The following DPY19L1 variants were observed in gnomAD, a reference collection of about 807,000 sequenced individuals.
DPY19L1 encodes the protein protein C-mannosyl-transferase DPY19L1.
In DPY19L1, 35 loss-of-function variants were observed where a neutral mutation model predicts 96.9. The observed-to-expected ratio is 0.36, with a 90% CI of 0.28 to 0.48. The LOEUF is 0.48. Among genes scored for constraint, DPY19L1 ranks in the 20% least tolerant of loss-of-function variants. The pLI, the probability that DPY19L1 is intolerant of heterozygous loss-of-function variation, is 0.99. For missense variants in DPY19L1, 521 were observed against 777.9 expected, an observed-to-expected ratio of 0.67 and a Z score of 3.93; for synonymous variants, 205 against 252.6, an observed-to-expected ratio of 0.81 and a Z score of 1.79.
chr7:35,028,102 T>C (rs1786170643), intron 1 of DPY19L1, among the ~76,000 whole-genome samples: 1 of 152,142 alleles, frequency 6.6e-6, no homozygotes, highest in Admixed American at 6.5e-5. Flanking sequence ...TAAGCAAAAA[T>C]GATCTAGGGG....
rs904370015 is a variant in DPY19L1, at chr7:34,940,219, C to T, written c.1798G>A (p.Val600Ile). 1.2e-6 allele frequency: 2 copies of T among 1,610,534 alleles called. No homozygotes were observed. The highest frequency in any genetic ancestry group is 2.7e-5 in the African/African-American group (2 of 74,708). The change falls in exon 19 of 22, where the codon GTA becomes ATA. Residue 600 changes from valine (V) to isoleucine (I), a missense_variant. Physicochemically the swap from Val to Ile is conservative, Grantham distance 29. Coordinates refer to ENST00000638088, the MANE Select transcript of DPY19L1 (RefSeq NM_001366673.1). ...TGGGGCAAATTGCTGAACTCCCCTA[C>T]AATATTCCACTGGGTTTGCAGATTT... ...SANLQTQWNI[V>I]GEFSNLPQEE...
intron 1 of DPY19L1, among the ~76,000 whole-genome samples, chr7:35,034,256 A>G (rs1786332658): frequency 1.3e-5 from 2 of 152,188 alleles, no homozygotes; most frequent in African/African-American, 4.8e-5. Flanking sequence ...TTTTACTACC[A>G]CAATTGTTTC....
At chr7:34,982,552 A>T (rs1456270474) in intron 7 of DPY19L1, among the ~76,000 whole-genome samples, 1 of 152,266 alleles carries the variant, frequency 6.6e-6, no homozygotes, top group African/African-American at 2.4e-5. Flanking sequence ...CCTTTTTAGT[A>T]CAAGATTTAC....
intron 8 of DPY19L1, among the ~76,000 whole-genome samples, chr7:34,971,696 A>G (rs937889881): frequency 6.6e-6 from 1 of 152,216 alleles, no homozygotes; most frequent in Admixed American, 6.5e-5. Context: ...AAAGACAATG[A>G]TAAGAGACTA....
Position 34,941,515 on chromosome 7 carries a change from C to A in DPY19L1, c.1689+250G>T, listed in dbSNP as rs139694984. ...AATTAAGCTCTGCTTTCTATCAGCA[C>A]CTGCAGTAATCACTCATGAACTCAG... On this transcript the variant is annotated intron_variant, in intron 18 of 21. Transcript: ENST00000638088. Among the ~76,000 whole-genome samples the A allele has an allele frequency of 6.0e-3, 914 of 152,294 alleles. 10 individuals are homozygous for A. The highest frequency in any genetic ancestry group is 0.02 in the African/African-American group (835 of 41,564).
chr7:34,963,001 C>T (rs144856182), intron 10 of DPY19L1, among the ~76,000 whole-genome samples: 2,159 of 152,076 alleles, frequency 0.014, 31 homozygotes, highest in Non-Finnish European at 0.02. Flanking sequence ...TCAAGACCAG[C>T]CTGGCCAACA....
At chr7:35,018,626 T>C in intron 1 of DPY19L1, 30 bp from the exon 2 acceptor site, 1 of 1,591,034 alleles carries the variant, frequency 6.3e-7, no homozygotes, top group Non-Finnish European at 8.6e-7. Context: ...TAAATTAGAA[T>C]TTTAGCATAA....
chr7:35,016,451 G>T (rs1243066831), intron 3 of DPY19L1, among the ~76,000 whole-genome samples: 7 of 152,196 alleles, frequency 4.6e-5, no homozygotes, highest in Non-Finnish European at 1.0e-4. Context: ...GCATCTTTCT[G>T]ACTTTCCTCT....
At chr7:34,975,533 G>A (rs1014392497) in intron 7 of DPY19L1, among the ~76,000 whole-genome samples, 1 of 152,210 alleles carries the variant, frequency 6.6e-6, no homozygotes, top group Non-Finnish European at 1.5e-5. Flanking sequence ...CAATGCTGAT[G>A]TAGACGCTGC....
At chr7:34,973,119 A>C (rs928888879) in intron 8 of DPY19L1, among the ~76,000 whole-genome samples, 5 of 152,208 alleles carry the variant, frequency 3.3e-5, no homozygotes, top group African/African-American at 1.2e-4. Context: ...AAGGGAGAGA[A>C]GTGTGAATTC....
At chr7:35,013,890 A>G (rs1486448744) in intron 3 of DPY19L1, among the ~76,000 whole-genome samples, 185 bp from the exon 4 acceptor site, 1 of 152,220 alleles carries the variant, frequency 6.6e-6, no homozygotes, top group Non-Finnish European at 1.5e-5. Flanking sequence ...TTTCACATAA[A>G]TGCATCTTAA....
intron 18 of DPY19L1, among the ~76,000 whole-genome samples, chr7:34,941,262 G>A (rs551156323): frequency 6.6e-6 from 1 of 152,132 alleles, no homozygotes; most frequent in Admixed American, 6.5e-5. Flanking sequence ...TGTGAATACA[G>A]AACAAGGAGG....
chr7:34,995,322 TAAA>T (rs34599171), intron 6 of DPY19L1, among the ~76,000 whole-genome samples: 3 of 147,844 alleles, frequency 2.0e-5, no homozygotes, highest in Non-Finnish European at 3.0e-5. Flanking sequence ...CCCTAGTGGT[TAAA>T]AAAAAAAAGT....
intron 21 of DPY19L1, among the ~76,000 whole-genome samples, chr7:34,932,433 A>C (rs1016810134): frequency 2.0e-5 from 3 of 152,240 alleles, no homozygotes; most frequent in African/African-American, 7.2e-5. Flanking sequence ...TATCTCATGT[A>C]ATTTATTGAA....
chr7:34,939,157 C>T (rs1235615166), intron 20 of DPY19L1, 119 bp downstream of exon 20: 1 of 841,048 alleles, frequency 1.2e-6, no homozygotes, highest in Middle Eastern at 3.8e-4. Context: ...CTCCCTGACT[C>T]GATAAGCCTC....
intron 21 of DPY19L1, among the ~76,000 whole-genome samples, chr7:34,936,635 T>G (rs1367723369): frequency 2.6e-5 from 4 of 152,228 alleles, no homozygotes; most frequent in African/African-American, 7.2e-5. Flanking sequence ...ATAACAATGT[T>G]AAAGGTGAGT....
chr7:34,957,603 A>AAAAAC lies in DPY19L1; in HGVS notation c.1179+376_1179+380dup, dbSNP rs1209342639. On this transcript the variant is annotated intron_variant, in intron 11 of 21. Transcript: ENST00000638088. ...GACAAGGGGCAAAAAACAAAACAAG[A>AAAAAC]AAAACAAAACAAAACAAAAAACAGA... is the stretch of plus-strand genomic sequence containing the variant. Among the ~76,000 whole-genome samples, 5 of 83,042 alleles carry AAAAAC rather than the reference A, an allele frequency of 6.0e-5. No homozygotes were observed. In the East Asian group the frequency reaches 1.1e-3, roughly 18 times the overall value. 54.5% of individuals were successfully genotyped at this position (83,042 alleles called of 152,430 possible).
chr7:35,038,039 G>A, upstream of DPY19L1: 1 of 614,464 alleles, frequency 1.6e-6, no homozygotes, highest in Non-Finnish European at 2.3e-6. Flanking sequence ...CGGCCACTTA[G>A]GGGCGCTGTG....
chr7:35,026,685 T>C (rs1485218339), intron 1 of DPY19L1, among the ~76,000 whole-genome samples: 1 of 152,122 alleles, frequency 6.6e-6, no homozygotes, highest in East Asian at 1.9e-4. Context: ...GAAATGGGCT[T>C]TATAAGGAAA....
Sources: allele counts gnomAD v4.1 joint callset (sites outside exome capture counted in the v4.1 genomes callset), GRCh38; gene constraint gnomAD v4.1.1; transcripts MANE v1.5; gene names NCBI Gene and HGNC (gene_info 2026-07-23, HGNC 2026-07-21).